Variants in SUMF1 observed in about 807,000 individuals in gnomAD.
SUMF1 encodes the protein formylglycine-generating enzyme.
SUMF1 carries 48 observed loss-of-function variants against 47.6 expected under a neutral mutation model. That is an observed-to-expected ratio of 1.01 (90% CI 0.80 to 1.28). The LOEUF (loss-of-function observed/expected upper bound fraction) is 1.28. Among genes scored for constraint, SUMF1 ranks in the 50% most tolerant of loss-of-function variants. The pLI is 0.00. For missense variants in SUMF1, 571 were observed against 485.4 expected (o/e 1.18, Z -1.66); for synonymous variants, 230 against 192.1 (o/e 1.20, Z -1.63).
chr3:4,266,279 A>G (rs1404776953), intron 8 of SUMF1, among the ~76,000 whole-genome samples: 1 of 152,226 alleles, frequency 6.6e-6, no homozygotes. Flanking sequence ...AGTCATTGGT[A>G]GCTTGATGGG....
chr3:4,408,828 G>C, intron 7 of SUMF1, among the ~76,000 whole-genome samples: 1 of 147,212 alleles, frequency 6.8e-6, no homozygotes, highest in South Asian at 2.1e-4. Context: ...AAAATTAGCT[G>C]GGGGGCACCT....
At chr3:4,204,421 C>A (rs1695607219) in intron 8 of SUMF1, among the ~76,000 whole-genome samples, 1 of 151,980 alleles carries the variant, frequency 6.6e-6, no homozygotes, top group Admixed American at 6.6e-5. Flanking sequence ...TTATTCTTAA[C>A]CTTTGGGAGT....
intron 8 of SUMF1, among the ~76,000 whole-genome samples, chr3:4,352,095 C>A (rs545639545): frequency 1.3e-5 from 2 of 152,216 alleles, no homozygotes; most frequent in South Asian, 2.1e-4. Context: ...CTATCCCTTG[C>A]CCCAGTAATC....
intron 7 of SUMF1, among the ~76,000 whole-genome samples, chr3:4,391,332 A>G (rs1352192382): frequency 2.6e-5 from 4 of 152,028 alleles, no homozygotes; most frequent in Non-Finnish European, 5.9e-5. Context: ...CAAATTTGGG[A>G]AATTTTCAGA....
intron 7 of SUMF1, among the ~76,000 whole-genome samples, chr3:4,405,882 C>G (rs1417366114): frequency 6.6e-6 from 1 of 152,178 alleles, no homozygotes. Context: ...AAACTTTGAT[C>G]TGACTGGGCT....
At chr3:4,443,768 AAAAG>A (rs1005971740) in intron 3 of SUMF1, among the ~76,000 whole-genome samples, 1 of 152,210 alleles carries the variant, frequency 6.6e-6, no homozygotes, top group African/African-American at 2.4e-5. Context: ...CCTTCTCAAA[AAAAG>A]AAAAAGAAAA....
At chr3:4,088,636 T>A (rs975649473) in intron 8 of SUMF1, among the ~76,000 whole-genome samples, 4 of 152,128 alleles carry the variant, frequency 2.6e-5, no homozygotes, top group Non-Finnish European at 5.9e-5. Context: ...AAATGTAGAT[T>A]CCATGAAGAC....
intron 8 of SUMF1, among the ~76,000 whole-genome samples, chr3:4,224,930 C>G (rs561159747): frequency 6.6e-6 from 1 of 152,212 alleles, no homozygotes; most frequent in African/African-American, 2.4e-5. Context: ...ACCATCCTTC[C>G]CAGTTGCCTG....
intron 3 of SUMF1, among the ~76,000 whole-genome samples, chr3:4,448,476 C>T (rs958151065): frequency 6.6e-6 from 1 of 152,196 alleles, no homozygotes; most frequent in Non-Finnish European, 1.5e-5. Flanking sequence ...TTCCCTCTCT[C>T]ACCATCTCCT....
chr3:4,295,679 T>C (rs1697836442), intron 8 of SUMF1, among the ~76,000 whole-genome samples: 2 of 152,196 alleles, frequency 1.3e-5, no homozygotes, highest in African/African-American at 2.4e-5. Flanking sequence ...ATTAATTTCT[T>C]GCTGGTGATA....
intron 8 of SUMF1, among the ~76,000 whole-genome samples, chr3:4,279,589 T>G (rs1473733329): frequency 6.6e-6 from 1 of 151,944 alleles, no homozygotes; most frequent in Non-Finnish European, 1.5e-5. Context: ...GAGATGCCAT[T>G]GAGCTGGGAA....
chr3:4,385,600 T>A (rs1054773859), intron 7 of SUMF1, among the ~76,000 whole-genome samples: 8 of 152,240 alleles, frequency 5.3e-5, no homozygotes, highest in Non-Finnish European at 1.0e-4. Flanking sequence ...CTTAACAGGC[T>A]CTTTCACAGA....
intron 8 of SUMF1, among the ~76,000 whole-genome samples, chr3:4,134,898 T>C (rs1299916073): frequency 1.3e-5 from 2 of 152,122 alleles, no homozygotes; most frequent in African/African-American, 4.8e-5. Flanking sequence ...CTTCAACACA[T>C]ACACTTTCCC....
At chr3:4,232,093 G>A (rs1402856694) in intron 8 of SUMF1, among the ~76,000 whole-genome samples, 2 of 152,062 alleles carry the variant, frequency 1.3e-5, no homozygotes, top group Non-Finnish European at 2.9e-5. Flanking sequence ...TCCATCTTAG[G>A]TAACCAGACT....
At chr3:4,128,897 T>A in intron 8 of SUMF1, among the ~76,000 whole-genome samples, 1 of 152,130 alleles carries the variant, frequency 6.6e-6, no homozygotes, top group East Asian at 1.9e-4. Context: ...AAAAAGGTTC[T>A]AATAGTTTAT....
Position 4,267,418 on chromosome 3 carries a change from A to G in SUMF1, c.1014+108912T>C, listed in dbSNP as rs867713155. On this transcript the variant is annotated intron_variant and NMD_transcript_variant, in intron 8 of 12. Coordinates refer to the SUMF1 transcript ENST00000448413. ...CAATTTCAGCTCCTGTTATTGGTCT[A>G]TTCAGAGATTCAACTTCTTCCTGGT... Among the ~76,000 whole-genome samples, 8 of 152,142 alleles carry G rather than the reference A, an allele frequency of 5.3e-5. No individual in the cohort carries two copies. The South Asian group carries it at 8.3e-4, about 16-fold the overall frequency.
intron 8 of SUMF1, among the ~76,000 whole-genome samples, chr3:4,151,466 T>TAC (rs1202658976): frequency 8.9e-4 from 127 of 142,344 alleles, no homozygotes; most frequent in African/African-American, 3.2e-3. Context: ...TGTGTATATA[T>TAC]GTATATATGT....
chr3:4,379,806 C>G (rs1439749733), intron 7 of SUMF1, among the ~76,000 whole-genome samples: 1 of 144,966 alleles, frequency 6.9e-6, no homozygotes. Context: ...CGTGCCACCG[C>G]ACTCCAGCCT....
At chr3:4,186,773 G>C (rs766941469) in intron 8 of SUMF1, among the ~76,000 whole-genome samples, 1 of 152,078 alleles carries the variant, frequency 6.6e-6, no homozygotes, top group Non-Finnish European at 1.5e-5. Context: ...CCAAGAAAAT[G>C]TGAGAAGTTC....
Sources: allele counts gnomAD v4.1 joint callset (sites outside exome capture counted in the v4.1 genomes callset), GRCh38; gene constraint gnomAD v4.1.1; transcripts MANE v1.5; gene names NCBI Gene and HGNC (gene_info 2026-07-23, HGNC 2026-07-21).